The following DNAAF1 variants were observed in gnomAD, a reference collection of about 807,000 sequenced individuals.
The protein encoded by DNAAF1 is dynein assembly factor 1, axonemal.
DNAAF1 carries 65 observed loss-of-function variants against 71.1 expected under a neutral mutation model. That is an observed-to-expected ratio of 0.91 (90% CI 0.75 to 1.12). The LOEUF is 1.12. DNAAF1 is among the 50% of genes most tolerant of loss of function. The pLI, the probability that DNAAF1 is intolerant of heterozygous loss-of-function variation, is 0.00. For missense variants in DNAAF1, 1,178 were observed against 899.8 expected, an observed-to-expected ratio of 1.31 and a Z score of -3.96; for synonymous variants, 414 against 354.6, an observed-to-expected ratio of 1.17 and a Z score of -1.88.
intron 1 of DNAAF1, among the ~76,000 whole-genome samples, chr16:84,145,791 G>C (rs1404128864): frequency 6.6e-6 from 1 of 152,228 alleles, no homozygotes; most frequent in African/African-American, 2.4e-5. Flanking sequence ...CCCTCGGCTA[G>C]TCAGTGACAG....
chr16:84,166,126 T>G (rs903321812), intron 7 of DNAAF1, 177 bp downstream of exon 7: 2 of 811,014 alleles, frequency 2.5e-6, no homozygotes, highest in African/African-American at 3.6e-5. Flanking sequence ...TGATCTTGGC[T>G]CACTGCAACT....
intron 9 of DNAAF1, 93 bp downstream of exon 9, chr16:84,172,468 CA>C (rs2151273357): frequency 3.2e-6 from 5 of 1,548,654 alleles, no homozygotes; most frequent in Non-Finnish European, 4.4e-6. Context: ...CTCGATACCC[CA>C]AGTGTGGTCC....
rs370819090 is a variant in DNAAF1, at chr16:84,170,001, G to C, written c.1173G>C (p.Pro391=). The change falls in exon 8 of 12, where the codon CCG becomes CCC. Residue 391 remains proline (P), a synonymous_variant. Coordinates refer to ENST00000378553, the MANE Select transcript of DNAAF1 (RefSeq NM_178452.6). ...TTGAGGCCAAGGACGAGCTCTGCCC[G>C]GAAAAGCCAAGTGGAGAGGAGCCGC... The part of the protein sequence containing the change: ...ESFEAKDELC[P]EKPSGEEPPV... 2 of 1,613,800 alleles carry C rather than the reference G, an allele frequency of 1.2e-6. No individual in the cohort carries two copies. Among genetic ancestry groups the C allele is most frequent in the African/African-American group, 1.3e-5 (1 of 74,934 alleles).
chr16:84,156,197 G>C (rs2087419280), intron 5 of DNAAF1, among the ~76,000 whole-genome samples: 1 of 152,076 alleles, frequency 6.6e-6, no homozygotes, highest in African/African-American at 2.4e-5. Context: ...TCCTGACCTT[G>C]AGTGATCCAC....
intron 3 of DNAAF1, among the ~76,000 whole-genome samples, chr16:84,152,598 A>G (rs1034883937): frequency 1.3e-5 from 2 of 149,770 alleles, no homozygotes; most frequent in Non-Finnish European, 3.0e-5. Context: ...CAGTGAGCCA[A>G]GATTGTGCTA....
At position 84,166,908 on chromosome 16, in the gene DNAAF1, G is replaced by C. The variant is rs912739977; in HGVS notation, c.1030+959G>C. Among the ~76,000 whole-genome samples, 4 of 152,304 alleles carry C rather than the reference G, an allele frequency of 2.6e-5. No homozygotes were observed. The East Asian group carries it at 7.7e-4, about 29-fold the overall frequency. ...CACTCTCAACACTCAGCACACTTGT[G>C]GTCACGCAATGTGCAGGGTGTCCCC... is the stretch of plus-strand genomic sequence containing the variant. On this transcript the variant is annotated intron_variant, in intron 7 of 11. Coordinates refer to ENST00000378553, the MANE Select transcript of DNAAF1 (RefSeq NM_178452.6).
intron 11 of DNAAF1, 55 bp from the exon 12 acceptor site, chr16:84,177,672 CCT>C (rs773606911): frequency 1.7e-4 from 247 of 1,488,724 alleles, no homozygotes; most frequent in South Asian, 2.7e-4. Flanking sequence ...AGGCTGCCCC[CCT>C]GTCCTTGCAG....
chr16:84,167,500 C>T (rs935148141), intron 7 of DNAAF1, among the ~76,000 whole-genome samples: 1 of 152,164 alleles, frequency 6.6e-6, no homozygotes, highest in African/African-American at 2.4e-5. Flanking sequence ...CCACCCCACC[C>T]CCAAGAGCCG....
At chr16:84,174,786 AC>A in intron 10 of DNAAF1, 64 bp downstream of exon 10, 1 of 1,600,148 alleles carries the variant, frequency 6.2e-7, no homozygotes, top group Non-Finnish European at 8.6e-7. Flanking sequence ...CTTGTCGTTT[AC>A]CGTTTCTCTC....
intron 6 of DNAAF1, among the ~76,000 whole-genome samples, chr16:84,160,217 C>A (rs8059119): frequency 6.6e-5 from 10 of 151,916 alleles, no homozygotes; most frequent in Non-Finnish European, 1.5e-4. Context: ...AAGATCGTAC[C>A]CCATTGTTTT....
Position 84,159,810 on chromosome 16 carries a change from A to G in DNAAF1, c.863+14A>G. ...TCCAAAGGACAGGTAAGAAGAGAAAAGCCTTCTGATCACATTTTAATATTT... is the reference window on the plus strand; with the variant it reads ...TCCAAAGGACAGGTAAGAAGAGAAAGGCCTTCTGATCACATTTTAATATTT... On this transcript the variant is annotated intron_variant, in intron 6 of 11. Transcript: ENST00000378553. 1 of 1,613,232 alleles carries G rather than the reference A, an allele frequency of 6.2e-7. No homozygotes were observed.
intron 5 of DNAAF1, among the ~76,000 whole-genome samples, chr16:84,156,713 A>T (rs964117516): frequency 6.6e-6 from 1 of 152,168 alleles, no homozygotes. Flanking sequence ...ATGCTTCTAC[A>T]CTTCTACAAA....
At chr16:84,174,786 A>G (rs1390736228) in intron 10 of DNAAF1, 64 bp downstream of exon 10, 2 of 1,600,030 alleles carry the variant, frequency 1.2e-6, no homozygotes, top group Admixed American at 1.7e-5. Flanking sequence ...CTTGTCGTTT[A>G]CCGTTTCTCT....
chr16:84,166,108 C>A, intron 7 of DNAAF1, 159 bp downstream of exon 7: 1 of 1,016,458 alleles, frequency 9.8e-7, no homozygotes, highest in Non-Finnish European at 1.4e-6. Context: ...AGTTGGAGTG[C>A]AGCAGTGTGA....
chr16:84,177,201 G>T, intron 11 of DNAAF1: 1 of 199,238 alleles, frequency 5.0e-6, no homozygotes, highest in Non-Finnish European at 1.0e-5. Flanking sequence ...CTAGGAACCA[G>T]CACAGAAAAG....
chr16:84,161,337 G>T (rs77382162), intron 6 of DNAAF1, among the ~76,000 whole-genome samples: 30 of 152,238 alleles, frequency 2.0e-4, no homozygotes, highest in African/African-American at 6.7e-4. Context: ...AGGAGCCACC[G>T]CCCTTTAGAG....
chr16:84,163,731 G>A (rs968359154), intron 6 of DNAAF1, among the ~76,000 whole-genome samples: 6 of 152,024 alleles, frequency 3.9e-5, no homozygotes, highest in Non-Finnish European at 8.8e-5. Context: ...TCTCATTGTG[G>A]TTTCCATCTG....
intron 5 of DNAAF1, among the ~76,000 whole-genome samples, chr16:84,158,023 T>G (rs565313332): frequency 6.6e-6 from 1 of 152,038 alleles, no homozygotes; most frequent in Non-Finnish European, 1.5e-5. Context: ...CTGGCTAACA[T>G]GGTGAAACCG....
At chr16:84,153,162 A>T (rs547499796) in intron 3 of DNAAF1, among the ~76,000 whole-genome samples, 1 of 152,138 alleles carries the variant, frequency 6.6e-6, no homozygotes, top group Non-Finnish European at 1.5e-5. Context: ...AAAAAATCCT[A>T]TCTTTTATAG....
Sources: allele counts gnomAD v4.1 joint callset (sites outside exome capture counted in the v4.1 genomes callset), GRCh38; gene constraint gnomAD v4.1.1; transcripts MANE v1.5; gene names NCBI Gene and HGNC (gene_info 2026-07-23, HGNC 2026-07-21).